The following SLC14A2 variants were observed in gnomAD, a reference collection of about 807,000 sequenced individuals.
SLC14A2 encodes urea transporter 2.
Under a neutral mutation model 104.6 loss-of-function variants are expected in SLC14A2, and 91 were observed. The observed-to-expected ratio is 0.87, with a 90% confidence interval of 0.73 to 1.04. The LOEUF (loss-of-function observed/expected upper bound fraction) is 1.04. SLC14A2 is among the 50% of genes least tolerant of loss of function. The probability of loss-of-function intolerance (pLI) is 0.00; values close to 1 mark genes in which losing one functional copy is unlikely to be tolerated. For synonymous variants in SLC14A2, 476 were observed against 466.4 expected (o/e 1.02, Z -0.27); for missense variants, 1,189 against 1,156.0 (o/e 1.03, Z -0.41).
chr18:45,401,386 A>T (rs1433700912), intron 1 of SLC14A2, among the ~76,000 whole-genome samples: 1 of 152,240 alleles, frequency 6.6e-6, no homozygotes, highest in Admixed American at 6.5e-5. Flanking sequence ...CCTTGTCATC[A>T]TTAATGAATC....
At chr18:45,187,358 T>A in the SLC14A2 span, among the ~76,000 whole-genome samples, 1 of 152,020 alleles carries the variant, frequency 6.6e-6, no homozygotes, top group South Asian at 2.1e-4. Flanking sequence ...GAGATTGAGG[T>A]GGAAAGAATG....
At chr18:45,278,019 T>C (rs1018439882) in intron 1 of SLC14A2, among the ~76,000 whole-genome samples, 3 of 152,188 alleles carry the variant, frequency 2.0e-5, no homozygotes, top group African/African-American at 7.2e-5. Context: ...ACTTTACCTA[T>C]GAGGTCAAAC....
At chr18:45,485,121 G>A (rs1383340304) in intron 2 of SLC14A2, 2 of 152,048 alleles carry the variant, frequency 1.3e-5, no homozygotes, top group Non-Finnish European at 2.9e-5. Context: ...AAGGAGATTC[G>A]CTATGATCAT....
chr18:45,422,676 T>G (rs906549263), intron 1 of SLC14A2, among the ~76,000 whole-genome samples: 1 of 152,176 alleles, frequency 6.6e-6, no homozygotes, highest in Non-Finnish European at 1.5e-5. Context: ...AAGGCCAATG[T>G]CAAGACTGAG....
chr18:45,175,811 G>T, the SLC14A2 span, among the ~76,000 whole-genome samples: 1 of 152,142 alleles, frequency 6.6e-6, no homozygotes, highest in African/African-American at 2.4e-5. Context: ...TATATTGTTT[G>T]TTCAGGGGAG....
chr18:45,555,829 A>AACAGGGAT (rs2044125531), intron 2 of SLC14A2, among the ~76,000 whole-genome samples: 1 of 152,190 alleles, frequency 6.6e-6, no homozygotes, highest in African/African-American at 2.4e-5. Flanking sequence ...TTACAAAGAA[A>AACAGGGAT]ACAGGGATTC....
chr18:45,180,441 A>T, the SLC14A2 span, among the ~76,000 whole-genome samples: 1 of 152,240 alleles, frequency 6.6e-6, no homozygotes, highest in Admixed American at 6.5e-5. Context: ...AAGTATAAAA[A>T]ATATGGGAAA....
intron 1 of SLC14A2, among the ~76,000 whole-genome samples, chr18:45,376,272 C>T (rs1480452744): frequency 2.0e-5 from 3 of 152,180 alleles, no homozygotes; most frequent in Non-Finnish European, 4.4e-5. Context: ...CTCTTGCAGG[C>T]TAAATTGTGA....
At chr18:45,631,380 CT>C (rs1175264243) in intron 4 of SLC14A2, among the ~76,000 whole-genome samples, 2 of 152,202 alleles carry the variant, frequency 1.3e-5, no homozygotes, top group East Asian at 3.9e-4. Flanking sequence ...GCCTATGCCC[CT>C]CACCCGGCAG....
intron 1 of SLC14A2, among the ~76,000 whole-genome samples, chr18:45,456,986 C>G (rs1308381361): frequency 6.6e-6 from 1 of 152,042 alleles, no homozygotes; most frequent in African/African-American, 2.4e-5. Context: ...GACATCCCTG[C>G]AGGACCCACA....
intron 1 of SLC14A2, among the ~76,000 whole-genome samples, chr18:45,242,524 G>A (rs2144054021): frequency 6.6e-6 from 1 of 152,288 alleles, no homozygotes; most frequent in South Asian, 2.1e-4. Context: ...ACTTTATGGA[G>A]CAATTACTTT....
At chr18:45,481,240 A>G (rs1277488097) in intron 1 of SLC14A2, among the ~76,000 whole-genome samples, 1 of 151,956 alleles carries the variant, frequency 6.6e-6, no homozygotes, top group Non-Finnish European at 1.5e-5. Context: ...GTGCCTGCAT[A>G]TTCTGGCCAA....
chr18:45,458,010 G>A (rs2052374), intron 1 of SLC14A2, among the ~76,000 whole-genome samples: 5,226 of 152,248 alleles, frequency 0.034, 298 homozygotes, highest in African/African-American at 0.12. Flanking sequence ...CTTCGTAGGA[G>A]AATGGTGTTG....
Position 45,667,861 on chromosome 18 carries a change from C to G in SLC14A2, c.1746C>G (p.Asp582Glu), listed in dbSNP as rs1217495819. The change falls in exon 14 of 20, where the codon GAC becomes GAG. Residue 582 changes from aspartate (D) to glutamate (E), a missense_variant. Asp to Glu is a conservative substitution (Grantham distance 45). Transcript: ENST00000255226. ...KDKSPVFQFF[D>E]WVLRGTSQVM... ...AGTCCCCAGTGTTCCAGTTCTTTGA[C>G]TGGGTCCTCCGAGGCACATCTCAAG... The G allele has an allele frequency of 3.7e-6, 6 of 1,614,048 alleles. No homozygotes were observed. In the African/African-American group the frequency reaches 8.0e-5, roughly 22 times the overall value.
chr18:45,538,042 G>C (rs2043822304), intron 2 of SLC14A2, among the ~76,000 whole-genome samples: 1 of 152,194 alleles, frequency 6.6e-6, no homozygotes, highest in African/African-American at 2.4e-5. Context: ...CAGTTTCTGA[G>C]GTCAGGAATG....
intron 1 of SLC14A2, among the ~76,000 whole-genome samples, chr18:45,448,848 G>A (rs193143897): frequency 2.5e-4 from 38 of 152,270 alleles, no homozygotes; most frequent in Non-Finnish European, 4.9e-4. Context: ...TTTTACCCTG[G>A]TGCCTTGCTA....
At chr18:45,440,210 T>C (rs2086661134) in intron 1 of SLC14A2, among the ~76,000 whole-genome samples, 1 of 123,834 alleles carries the variant, frequency 8.1e-6, no homozygotes, top group South Asian at 2.5e-4. Flanking sequence ...AGAGAAATCA[T>C]TTTTCAAGTT....
At position 45,376,051 on chromosome 18, in the gene SLC14A2, T is replaced by C. The variant is rs993544389; in HGVS notation, c.-124-107182T>C. On this transcript the variant is annotated intron_variant, in intron 1 of 20. Transcript: ENST00000586448. ...AGAGTAGCCATGTGGATCTGGGAGGTTGGGCCACACCCCCGACATGGACAT... is the reference window on the plus strand; with the variant it reads ...AGAGTAGCCATGTGGATCTGGGAGGCTGGGCCACACCCCCGACATGGACAT... Among the ~76,000 whole-genome samples, 4 of 3,274 alleles carry C rather than the reference T, an allele frequency of 1.2e-3. No individual in the cohort carries two copies. In the East Asian group the frequency reaches 0.025, roughly 21 times the overall value. 2.1% of individuals were successfully genotyped at this position (3,274 alleles called of 152,430 possible). A position where few individuals can be genotyped will look rare whatever the true frequency, so the allele number is the denominator to read the frequency against.
intron 1 of SLC14A2, among the ~76,000 whole-genome samples, chr18:45,373,363 T>C (rs2085742393): frequency 6.6e-6 from 1 of 152,234 alleles, no homozygotes; most frequent in Admixed American, 6.5e-5. Context: ...CAAGCTTCTT[T>C]CTTCTCCCAA....
Sources: allele counts gnomAD v4.1 joint callset (sites outside exome capture counted in the v4.1 genomes callset), GRCh38; gene constraint gnomAD v4.1.1; transcripts MANE v1.5; gene names NCBI Gene and HGNC (gene_info 2026-07-23, HGNC 2026-07-21).